ASAP2: variants seen among roughly 807,000 people sequenced by gnomAD.
The protein encoded by ASAP2 is ArfGAP with SH3 domain, ankyrin repeat and PH domain 2.
ASAP2 carries 45 observed loss-of-function variants against 131.4 expected under a neutral mutation model. The ratio of observed to expected loss-of-function variants is 0.34; its 90% confidence interval spans 0.27 to 0.44. The LOEUF is 0.44. Ranked by LOEUF, ASAP2 falls within the 20% of genes least tolerant of loss-of-function variation. The pLI, the probability that ASAP2 is intolerant of heterozygous loss-of-function variation, is 1.00. For synonymous variants in ASAP2, 510 were observed against 503.0 expected (o/e 1.01, Z -0.19); for missense variants, 1,011 against 1,297.0 (o/e 0.78, Z 3.39).
In ASAP2 at chr2:9,334,018, C is replaced by G. The variant is rs184861863; in HGVS notation, c.687-720C>G. ...GTTCTTTTCTGCATTATTTCTCTCT[C>G]TCTCTGTCTCTGTCTTTCTCCTTTT... On this transcript the variant is annotated intron_variant, in intron 7 of 27. Transcript: ENST00000281419. Among the ~76,000 whole-genome samples, 156 of 146,330 alleles carry G rather than the reference C, an allele frequency of 1.1e-3. 1 individual carries two copies. Among genetic ancestry groups the G allele is most frequent in the African/African-American group, 2.8e-3 (111 of 39,020 alleles).
chr2:9,373,134 G>A lies in ASAP2; in HGVS notation c.1557-1621G>A, dbSNP rs78278657. On this transcript the variant is annotated intron_variant, in intron 16 of 27. Transcript: ENST00000281419. Reference sequence around the variant, plus strand: ...GCTGTGTGGACGGGGAGCATGTGCCGGGGGACGTTGAGGCACCCGCCTTAA... The same window carrying A: ...GCTGTGTGGACGGGGAGCATGTGCCAGGGGACGTTGAGGCACCCGCCTTAA... 4.9e-3 allele frequency among the ~76,000 whole-genome samples: 746 copies of A among 152,168 alleles called. 5 individuals carry two copies. The highest frequency in any genetic ancestry group is 0.017 in the African/African-American group (723 of 41,504).
rs1214215113 is a variant in ASAP2, at chr2:9,254,525, GGATTTTTTTTT to G, written c.127-24791_127-24781del. ...GCACCACTACCCCCAGCTAATTTTTGGATTTTTTTTTTTTTTTTTTTTTTTTTTAGTAGAGA... is the reference window on the plus strand; with the variant it reads ...GCACCACTACCCCCAGCTAATTTTTGTTTTTTTTTTTTTTTTTAGTAGAGA... On this transcript the variant is annotated intron_variant, in intron 1 of 27. Coordinates refer to ENST00000281419, the MANE Select transcript of ASAP2 (RefSeq NM_003887.3). Among the ~76,000 whole-genome samples the G allele has an allele frequency of 4.7e-4, 38 of 81,278 alleles. 1 individual carries two copies. Among genetic ancestry groups the G allele is most frequent in the Non-Finnish European group, 5.3e-4 (24 of 44,902 alleles). 53.3% of individuals were successfully genotyped at this position (81,278 alleles called of 152,430 possible). A position where few individuals can be genotyped will look rare whatever the true frequency, so the allele number is the denominator to read the frequency against.
At chr2:9,294,567 A>T (rs1572375413) in intron 2 of ASAP2, among the ~76,000 whole-genome samples, 2 of 152,236 alleles carry the variant, frequency 1.3e-5, no homozygotes, top group African/African-American at 4.8e-5. Context: ...CACTTGATTC[A>T]GAAGAAAATA....
intron 2 of ASAP2, among the ~76,000 whole-genome samples, chr2:9,282,805 C>A (rs911959305): frequency 6.6e-6 from 1 of 152,216 alleles, no homozygotes; most frequent in South Asian, 2.1e-4. Context: ...AGATTTCCTG[C>A]CTGCTTTCCT....
rs755718499 is a variant in ASAP2, at chr2:9,335,197, T to C, written c.849+18T>C. 5.6e-6 allele frequency: 9 copies of C among 1,611,524 alleles called. No homozygotes were observed. The highest frequency in any genetic ancestry group is 5.0e-5 in the Admixed American group (3 of 60,032). On this transcript the variant is annotated intron_variant, in intron 9 of 27. Coordinates refer to ENST00000281419, the MANE Select transcript of ASAP2 (RefSeq NM_003887.3). Reference sequence around the variant, plus strand: ...AGAAAGAGGTGAGGGGATTTAATTTTGAAAGATTGCAGTTTTCACCCCATT... The same window carrying C: ...AGAAAGAGGTGAGGGGATTTAATTTCGAAAGATTGCAGTTTTCACCCCATT...
rs1028199448 is a variant in ASAP2, at chr2:9,207,041, C to T, written c.-64C>T. 11 of 1,331,092 alleles carry T rather than the reference C, an allele frequency of 8.3e-6. No individual in the cohort carries two copies. The Admixed American group carries it at 3.4e-4, about 41-fold the overall frequency. The allele number at this position is 1,331,092 out of a possible 1,614,324, so 82.5% of individuals were successfully genotyped here. A position where few individuals can be genotyped will look rare whatever the true frequency, so the allele number is the denominator to read the frequency against. On this transcript the variant is annotated 5_prime_UTR_variant, in exon 1 of 28. Transcript: ENST00000281419. This position sits in a 1 kb window ranked among gnomAD's most constrained non-coding sequence, Gnocchi z 4.1. ...GCGGTGTCCGAGCGGCGGTCGGAGC[C>T]TGCTGCGGCAGTTGAGGCGGCGGCG...
chr2:9,207,129 GA>G lies in ASAP2; in HGVS notation c.27del (p.Glu9AspfsTer46). 6.3e-6 allele frequency: 10 copies of G among 1,597,392 alleles called. No individual in the cohort carries two copies. Among genetic ancestry groups the G allele is most frequent in the Non-Finnish European group, 7.7e-6 (9 of 1,173,058 alleles). On this transcript the variant is annotated frameshift_variant, in exon 1 of 28. Coordinates refer to ENST00000281419, the MANE Select transcript of ASAP2 (RefSeq NM_003887.3). LOFTEE classifies it high-confidence loss of function. This position sits in a 1 kb window ranked among gnomAD's most constrained non-coding sequence, Gnocchi z 4.1. MPDQISVSEFVAETHEDYK... is the reference protein window; with the variant it reads MPDQISVSXFVAETHEDYK... ...GATGCCGGACCAGATCTCCGTGTCG[GA>G]ATTCGTGGCCGAGACCCATGAGGAC...
At chr2:9,289,245 C>T (rs1247085373) in intron 2 of ASAP2, among the ~76,000 whole-genome samples, 1 of 152,186 alleles carries the variant, frequency 6.6e-6, no homozygotes, top group East Asian at 1.9e-4. Context: ...TCTGGACACA[C>T]CAAGCGCCTT....
chr2:9,228,087 T>C (rs1209733880), intron 1 of ASAP2, among the ~76,000 whole-genome samples: 1 of 152,198 alleles, frequency 6.6e-6, no homozygotes, highest in Non-Finnish European at 1.5e-5. Context: ...TGAAATGGAA[T>C]GGGGGTGAAT....
intron 7 of ASAP2, among the ~76,000 whole-genome samples, chr2:9,334,064 T>G (rs919589485): frequency 4.1e-5 from 6 of 146,840 alleles, no homozygotes; most frequent in African/African-American, 1.5e-4. Flanking sequence ...TTTTTTTTTT[T>G]TGGGAGACAG....
chr2:9,310,495 G>C lies in ASAP2; in HGVS notation c.346-8029G>C, dbSNP rs893153269. Among the ~76,000 whole-genome samples the C allele has an allele frequency of 5.9e-5, 9 of 152,346 alleles. No individual in the cohort carries two copies. The East Asian group carries it at 1.7e-3, about 29-fold the overall frequency. Reference sequence around the variant, plus strand: ...AGATTCTGCCCAGTGACCTTTGGCTGCTCCTTAAAAATAGCTATGATGTAA... The same window carrying C: ...AGATTCTGCCCAGTGACCTTTGGCTCCTCCTTAAAAATAGCTATGATGTAA... On this transcript the variant is annotated intron_variant, in intron 3 of 27. Coordinates refer to ENST00000281419, the MANE Select transcript of ASAP2 (RefSeq NM_003887.3).
chr2:9,301,511 C>A (rs2148412241), intron 3 of ASAP2, among the ~76,000 whole-genome samples: 1 of 152,328 alleles, frequency 6.6e-6, no homozygotes, highest in South Asian at 2.1e-4. Context: ...CTCCAAGGGC[C>A]ACCTCTGTGC....
intron 9 of ASAP2, among the ~76,000 whole-genome samples, chr2:9,338,290 G>A (rs1254224281): frequency 6.7e-6 from 1 of 148,706 alleles, no homozygotes; most frequent in Non-Finnish European, 1.5e-5. Context: ...AAGTATGGTT[G>A]CTCTCTCTCT....
At chr2:9,270,823 C>T (rs6731175) in intron 1 of ASAP2, among the ~76,000 whole-genome samples, 26 of 87,878 alleles carry the variant, frequency 3.0e-4, no homozygotes, top group Admixed American at 1.6e-3. Flanking sequence ...GACGGAGTCT[C>T]GCTCCGTCGC....
At chr2:9,295,954 C>T (rs1338192947) in intron 2 of ASAP2, among the ~76,000 whole-genome samples, 1 of 152,162 alleles carries the variant, frequency 6.6e-6, no homozygotes, top group Non-Finnish European at 1.5e-5. Flanking sequence ...AACAAATGTT[C>T]CCTCGTTTTC....
chr2:9,242,324 C>T (rs1241475519), intron 1 of ASAP2, among the ~76,000 whole-genome samples: 1 of 152,250 alleles, frequency 6.6e-6, no homozygotes, highest in Non-Finnish European at 1.5e-5. Context: ...CTTGTGCCAG[C>T]ACACTGGTGG....
At chr2:9,315,450 G>T (rs954054348) in intron 3 of ASAP2, among the ~76,000 whole-genome samples, 1 of 152,156 alleles carries the variant, frequency 6.6e-6, no homozygotes, top group Non-Finnish European at 1.5e-5. Flanking sequence ...CGTGCCGCAC[G>T]GCTGGGTGGC....
At chr2:9,230,363 T>C (rs982686470) in intron 1 of ASAP2, among the ~76,000 whole-genome samples, 2 of 152,306 alleles carry the variant, frequency 1.3e-5, no homozygotes. Context: ...TGCGAGCCTG[T>C]GTTACAAGAC....
intron 9 of ASAP2, among the ~76,000 whole-genome samples, 191 bp from the exon 10 acceptor site, chr2:9,344,339 TGA>T (rs1276884545): frequency 3.1e-4 from 47 of 152,336 alleles, no homozygotes; most frequent in African/African-American, 1.0e-3. Context: ...TTCTCCAGCC[TGA>T]TAGATGGCAT....
Sources: gnomAD v4.1 joint callset for allele counts (sites outside exome capture counted in the v4.1 genomes callset) on GRCh38, gnomAD v4.1.1 for gene constraint, Gnocchi (gnomAD v3.1) non-coding constraint, MANE v1.5 for transcripts, NCBI Gene and HGNC (gene_info 2026-07-23, HGNC 2026-07-21) for gene names.